Variants in AFF3 observed in about 807,000 individuals in gnomAD.
AFF3 encodes the protein AF4/FMR2 family member 3.
A neutral mutation model predicts 129.7 loss-of-function variants in AFF3; 32 were observed. The ratio of observed to expected loss-of-function variants is 0.25; its 90% CI spans 0.19 to 0.33. The LOEUF is 0.33. Among genes scored for constraint, AFF3 ranks in the 10% least tolerant of loss-of-function variants. The pLI is 1.00. For synonymous variants in AFF3, 644 were observed against 635.4 expected, an observed-to-expected ratio of 1.01 and a Z score of -0.20; for missense variants, 1,373 against 1,592.0, an observed-to-expected ratio of 0.86 and a Z score of 2.34.
At chr2:99,870,090 C>T (rs1290027525) in intron 7 of AFF3, among the ~76,000 whole-genome samples, 1 of 152,206 alleles carries the variant, frequency 6.6e-6, no homozygotes, top group Non-Finnish European at 1.5e-5. Context: ...TCTCTTACCT[C>T]AACACCAGTG....
intron 2 of AFF3, chr2:100,112,252 C>T (rs1467812736): frequency 6.6e-6 from 1 of 152,180 alleles, no homozygotes; most frequent in Non-Finnish European, 1.5e-5. Context: ...TGAGAGAAAC[C>T]CCACCTTCTT....
intron 15 of AFF3, among the ~76,000 whole-genome samples, 196 bp downstream of exon 15, chr2:99,592,999 A>G (rs1232390986): frequency 7.1e-6 from 1 of 141,228 alleles, no homozygotes; most frequent in African/African-American, 2.6e-5. Flanking sequence ...GGACTAAGTT[A>G]GATGTTAAGT....
chr2:99,553,286 A>G (rs1674578916), intron 24 of AFF3, among the ~76,000 whole-genome samples: 1 of 152,074 alleles, frequency 6.6e-6, no homozygotes, highest in Non-Finnish European at 1.5e-5. Context: ...CCCCCATGGC[A>G]TTCTCATTGG....
chr2:99,672,665 A>C, intron 11 of AFF3, 76 bp from the exon 12 acceptor site: 1 of 1,368,724 alleles, frequency 7.3e-7, no homozygotes. Flanking sequence ...CCAAAATATC[A>C]CCTTAATGTT....
At chr2:99,695,975 C>CA (rs10719353) in intron 11 of AFF3, among the ~76,000 whole-genome samples, 3,043 of 114,004 alleles carry the variant, frequency 0.027, 99 homozygotes, top group African/African-American at 0.085. Flanking sequence ...AAGAAAAAAC[C>CA]AAAAAAAAAA....
intron 7 of AFF3, among the ~76,000 whole-genome samples, chr2:99,912,024 A>C (rs1695138999): frequency 6.6e-6 from 1 of 152,206 alleles, no homozygotes; most frequent in African/African-American, 2.4e-5. Context: ...CCAGCTCACC[A>C]AGCCTCTGAA....
At chr2:99,733,906 A>G (rs1680040227) in intron 10 of AFF3, among the ~76,000 whole-genome samples, 1 of 152,178 alleles carries the variant, frequency 6.6e-6, no homozygotes, top group Non-Finnish European at 1.5e-5. Flanking sequence ...GGCTATTCTT[A>G]GCCCTTTGAT....
intron 7 of AFF3, among the ~76,000 whole-genome samples, chr2:99,898,196 C>T (rs888607998): frequency 5.9e-5 from 9 of 152,220 alleles, no homozygotes; most frequent in African/African-American, 1.9e-4. Context: ...TTCATTTCTG[C>T]TTTAGCTTCT....
intron 8 of AFF3, among the ~76,000 whole-genome samples, chr2:99,802,890 A>G (rs560397049): frequency 1.2e-4 from 18 of 152,196 alleles, no homozygotes; most frequent in Admixed American, 7.2e-4. Flanking sequence ...GTGTACAATC[A>G]TATTACCAGC....
intron 4 of AFF3, among the ~76,000 whole-genome samples, chr2:100,078,194 C>G (rs1688742585): frequency 6.6e-6 from 1 of 152,228 alleles, no homozygotes; most frequent in Admixed American, 6.5e-5. Flanking sequence ...CGTTCACAGG[C>G]TCAGCCCAGG....
intron 7 of AFF3, among the ~76,000 whole-genome samples, chr2:99,976,304 G>C (rs989573570): frequency 1.3e-5 from 2 of 152,042 alleles, no homozygotes; most frequent in Non-Finnish European, 2.9e-5. Context: ...AGAGTTTTAT[G>C]TAAAATGTGT....
intron 13 of AFF3, among the ~76,000 whole-genome samples, chr2:99,620,455 C>A (rs1460818221): frequency 6.6e-6 from 1 of 151,938 alleles, no homozygotes; most frequent in African/African-American, 2.4e-5. Context: ...ATAGTGAGAC[C>A]CCTGTTTCTG....
In AFF3 at chr2:99,985,622, T is replaced by C. The variant is rs913581539; in HGVS notation, c.873+21010A>G. On this transcript the variant is annotated intron_variant, in intron 7 of 24. Coordinates refer to ENST00000672756, the MANE Select transcript of AFF3 (RefSeq NM_001386135.1). ...ACAATTTAAAATTCACACAACAACA[T>C]GGATGAACCCCACAAACAAAATGCT... 1.3e-5 allele frequency among the ~76,000 whole-genome samples: 2 copies of C among 152,060 alleles called. 1 individual carries two copies. Among genetic ancestry groups the C allele is most frequent in the East Asian group, 3.9e-4 (2 of 5,188 alleles).
intron 4 of AFF3, among the ~76,000 whole-genome samples, chr2:100,014,216 A>G (rs1235338472): frequency 6.6e-6 from 1 of 152,094 alleles, no homozygotes; most frequent in African/African-American, 2.4e-5. Context: ...GACTAGAATC[A>G]TCAAAATGTT....
At chr2:99,827,041 C>T (rs113726031) in intron 8 of AFF3, among the ~76,000 whole-genome samples, 2 of 152,098 alleles carry the variant, frequency 1.3e-5, no homozygotes, top group African/African-American at 4.8e-5. Flanking sequence ...CATGGACAGC[C>T]GGGGAATGAA....
chr2:99,964,521 T>C (rs1296079932), intron 7 of AFF3, among the ~76,000 whole-genome samples: 1 of 152,110 alleles, frequency 6.6e-6, no homozygotes. Flanking sequence ...GGTTCAAAGA[T>C]GACATCTCAA....
At chr2:99,748,951 T>C (rs1011288304) in intron 9 of AFF3, among the ~76,000 whole-genome samples, 1 of 152,190 alleles carries the variant, frequency 6.6e-6, no homozygotes, top group African/African-American at 2.4e-5. Context: ...TTTTAGATTC[T>C]ACATATAGGT....
chr2:99,921,983 G>A (rs1033846677), intron 7 of AFF3, among the ~76,000 whole-genome samples: 8 of 152,174 alleles, frequency 5.3e-5, no homozygotes, highest in Admixed American at 4.6e-4. Flanking sequence ...TCCTATGTAG[G>A]AAATACAAAT....
intron 7 of AFF3, among the ~76,000 whole-genome samples, chr2:99,998,604 T>C (rs1681078115): frequency 6.6e-6 from 1 of 152,150 alleles, no homozygotes; most frequent in Non-Finnish European, 1.5e-5. Context: ...ACATAAGGGG[T>C]CAACCGTTTA....
Sources: allele counts gnomAD v4.1 joint callset (sites outside exome capture counted in the v4.1 genomes callset), GRCh38; gene constraint gnomAD v4.1.1; transcripts MANE v1.5; gene names NCBI Gene and HGNC (gene_info 2026-07-23, HGNC 2026-07-21).